GALM: variants seen among roughly 807,000 people sequenced by gnomAD.
GALM encodes the protein aldose 1-epimerase.
A neutral mutation model predicts 37.4 loss-of-function variants in GALM; 43 were observed. The observed-to-expected ratio is 1.15, with a 90% CI of 0.90 to 1.48. The LOEUF (loss-of-function observed/expected upper bound fraction) is 1.48. GALM is among the 40% of genes most tolerant of loss of function. GALM has a pLI of 0.00. For synonymous variants in GALM, 199 were observed against 170.6 expected (o/e 1.17, Z -1.30); for missense variants, 456 against 419.1 (o/e 1.09, Z -0.77).
At chr2:38,715,122 T>G (rs1338293001) in intron 4 of GALM, among the ~76,000 whole-genome samples, 2 of 152,244 alleles carry the variant, frequency 1.3e-5, no homozygotes, top group African/African-American at 4.8e-5. Context: ...TGAACTTTTT[T>G]GTCGCTTTAA....
chr2:38,731,724 T>C lies in GALM; in HGVS notation c.777-11T>C, dbSNP rs749835753. On this transcript the variant is annotated splice_polypyrimidine_tract_variant and intron_variant, in intron 5 of 6. Coordinates refer to ENST00000272252, the MANE Select transcript of GALM (RefSeq NM_138801.3). ...CTGCCCTGGACTCATGTTGTTTGTA[T>C]TTCTTACCAGGGTGCATCATGCTGC... 2.8e-5 allele frequency: 45 copies of C among 1,611,100 alleles called. No homozygotes were observed. The highest frequency in any genetic ancestry group is 1.3e-4 in the Admixed American group (8 of 59,920).
chr2:38,703,147 G>A (rs1243249992), intron 4 of GALM, among the ~76,000 whole-genome samples: 1 of 87,994 alleles, frequency 1.1e-5, no homozygotes, highest in Non-Finnish European at 2.1e-5. Flanking sequence ...TGCTCTTGTT[G>A]CCCAGGCTGG....
At chr2:38,703,049 G>A (rs180971551) in intron 4 of GALM, among the ~76,000 whole-genome samples, 34 of 55,838 alleles carry the variant, frequency 6.1e-4, no homozygotes, top group African/African-American at 2.4e-3. Context: ...ATGATATGTG[G>A]GATTTTATAT....
chr2:38,720,437 A>G (rs1006906538), intron 4 of GALM, among the ~76,000 whole-genome samples: 6 of 149,098 alleles, frequency 4.0e-5, no homozygotes, highest in Non-Finnish European at 7.4e-5. Flanking sequence ...AAAAAAAAAA[A>G]AAGGCTGTGG....
chr2:38,728,406 T>C (rs201504355), intron 4 of GALM, among the ~76,000 whole-genome samples: 3 of 133,376 alleles, frequency 2.2e-5, no homozygotes, highest in Admixed American at 7.8e-5. Flanking sequence ...AAAAAAAAAC[T>C]TTTTTTTTGG....
intron 4 of GALM, among the ~76,000 whole-genome samples, chr2:38,715,258 G>T (rs865888257): frequency 6.6e-6 from 1 of 152,078 alleles, no homozygotes; most frequent in Admixed American, 6.6e-5. Flanking sequence ...GTCTTTATAG[G>T]TGAAGTGAGT....
chr2:38,728,827 T>C (rs977267117), intron 4 of GALM, among the ~76,000 whole-genome samples: 3 of 151,280 alleles, frequency 2.0e-5, no homozygotes, highest in Non-Finnish European at 4.4e-5. Flanking sequence ...GTATTCTCTG[T>C]ACTTGGTACA....
intron 3 of GALM, among the ~76,000 whole-genome samples, chr2:38,687,667 C>T (rs1192508033): frequency 1.3e-5 from 2 of 151,018 alleles, no homozygotes; most frequent in Admixed American, 1.3e-4. Flanking sequence ...CCCAAGATTG[C>T]GCCACTGCAC....
At chr2:38,702,932 T>TTATATA (rs202010853) in intron 4 of GALM, among the ~76,000 whole-genome samples, 5 of 134,874 alleles carry the variant, frequency 3.7e-5, no homozygotes, top group East Asian at 2.1e-4. Flanking sequence ...TATATACTTT[T>TTATATA]TATATATATA....
intron 4 of GALM, among the ~76,000 whole-genome samples, chr2:38,694,076 G>A (rs1038051498): frequency 2.0e-5 from 3 of 152,136 alleles, no homozygotes; most frequent in African/African-American, 7.2e-5. Context: ...CAGCTATTTG[G>A]GAGGCTGAGG....
chr2:38,679,967 T>G, intron 2 of GALM: 2 of 441,022 alleles, frequency 4.5e-6, no homozygotes, highest in South Asian at 3.3e-5. Flanking sequence ...AGCCACTATG[T>G]TAATCCAAGA....
At chr2:38,703,098 T>A (rs1426157963) in intron 4 of GALM, among the ~76,000 whole-genome samples, 445 of 21,500 alleles carry the variant, frequency 0.021, no homozygotes, top group South Asian at 0.04. Context: ...ATATATTTTT[T>A]TTTTTTTTTT....
At chr2:38,716,793 G>A (rs1666277316) in intron 4 of GALM, among the ~76,000 whole-genome samples, 1 of 152,100 alleles carries the variant, frequency 6.6e-6, no homozygotes, top group African/African-American at 2.4e-5. Context: ...GCAGTGAGCT[G>A]TGATTGCACC....
intron 3 of GALM, among the ~76,000 whole-genome samples, chr2:38,683,707 C>T (rs577409128): frequency 6.6e-6 from 1 of 152,210 alleles, no homozygotes; most frequent in East Asian, 1.9e-4. Flanking sequence ...GCTGGGATTA[C>T]AGGCGCCCAC....
At chr2:38,728,383 ACT>A (rs1442753194) in intron 4 of GALM, among the ~76,000 whole-genome samples, 5 of 133,910 alleles carry the variant, frequency 3.7e-5, no homozygotes, top group Non-Finnish European at 3.2e-5. Flanking sequence ...GACGAGCAAA[ACT>A]CTGTCTCAAA....
Position 38,733,594 on chromosome 2 carries a change from G to A in GALM, c.*29G>A, listed in dbSNP as rs1437131566. On this transcript the variant is annotated 3_prime_UTR_variant, in exon 7 of 7. Transcript: ENST00000272252. ...AGTGTGAAGATATGATCCAGTCCAGGGCTAGGCTCAGCCACCTGTCTCCTG... is the reference window on the plus strand; with the variant it reads ...AGTGTGAAGATATGATCCAGTCCAGAGCTAGGCTCAGCCACCTGTCTCCTG... 1.9e-6 allele frequency: 3 copies of A among 1,549,940 alleles called. No individual in the cohort carries two copies. Among genetic ancestry groups the A allele is most frequent in the Non-Finnish European group, 2.7e-6 (3 of 1,121,892 alleles).
In GALM at chr2:38,717,080, G is replaced by A. The variant is rs190881588; in HGVS notation, c.635-12476G>A. ...AGCCTGACCAACATGGCAAAACCTC[G>A]TCTCTACTAAAAATACAAAATTAGC... On this transcript the variant is annotated intron_variant, in intron 4 of 6. Transcript: ENST00000272252. Among the ~76,000 whole-genome samples, 36 of 151,848 alleles carry A rather than the reference G, an allele frequency of 2.4e-4. 1 individual carries two copies. The highest frequency in any genetic ancestry group is 6.0e-4 in the African/African-American group (25 of 41,436).
At position 38,731,732 on chromosome 2, in the gene GALM, C is replaced by T. The variant is rs1172707943; in HGVS notation, c.777-3C>T. On this transcript the variant is annotated splice_polypyrimidine_tract_variant and splice_region_variant and intron_variant, in intron 5 of 6. Coordinates refer to ENST00000272252, the MANE Select transcript of GALM (RefSeq NM_138801.3). ...GACTCATGTTGTTTGTATTTCTTAC[C>T]AGGGTGCATCATGCTGCAAGCGGGC... The T allele has an allele frequency of 1.2e-5, 20 of 1,612,300 alleles. No homozygotes were observed. The highest frequency in any genetic ancestry group is 1.6e-5 in the Non-Finnish European group (19 of 1,178,814).
chr2:38,666,320 G>T lies in GALM; in HGVS notation c.159G>T (p.Ser53=). ...TCAAAGACAGGCAGGGGAGAGCCTC[G>T]GACGTGGTGCTTGGCTTCGCCGAGT... The part of the protein sequence containing the change: ...LEVKDRQGRA[S]DVVLGFAELE... Residue 53 remains serine (S), a synonymous_variant, in exon 1 of 7, where the codon TCG becomes TCT. Coordinates refer to ENST00000272252, the MANE Select transcript of GALM (RefSeq NM_138801.3). 6.2e-7 allele frequency: 1 copy of T among 1,613,384 alleles called. No individual in the cohort carries two copies. Among genetic ancestry groups the T allele is most frequent in the African/African-American group, 1.3e-5 (1 of 75,016 alleles).
Sources: allele counts gnomAD v4.1 joint callset (sites outside exome capture counted in the v4.1 genomes callset), GRCh38; gene constraint gnomAD v4.1.1; transcripts MANE v1.5; gene names NCBI Gene and HGNC (gene_info 2026-07-23, HGNC 2026-07-21).